The following MON2 variants were observed in gnomAD, a reference collection of about 807,000 sequenced individuals.
The protein encoded by MON2 is protein MON2 homolog.
Under a neutral mutation model 208.6 loss-of-function variants are expected in MON2, and 84 were observed. The ratio of observed to expected loss-of-function variants is 0.40; its 90% CI spans 0.34 to 0.48. The LOEUF (loss-of-function observed/expected upper bound fraction) is 0.48, where lower values mean the gene tolerates loss of function less well. Among genes scored for constraint, MON2 ranks in the 20% least tolerant of loss-of-function variants. The pLI, the probability that MON2 is intolerant of heterozygous loss-of-function variation, is 0.59. For synonymous variants in MON2, 660 were observed against 694.0 expected (o/e 0.95, Z 0.77); for missense variants, 1,611 against 2,015.4 (o/e 0.80, Z 3.84).
At chr12:62,478,799 A>G (rs1040591937) in intron 1 of MON2, among the ~76,000 whole-genome samples, 1 of 152,224 alleles carries the variant, frequency 6.6e-6, no homozygotes, top group African/African-American at 2.4e-5. Context: ...GATGGAGGAC[A>G]TGATTGTAGG....
intron 2 of MON2, among the ~76,000 whole-genome samples, chr12:62,490,376 G>A (rs1227233186): frequency 1.3e-5 from 2 of 151,804 alleles, no homozygotes; most frequent in South Asian, 2.1e-4. Context: ...ATACAAAATG[G>A]TTAAAGTAAA....
chr12:62,533,797 C>T (rs1035900557), intron 12 of MON2, among the ~76,000 whole-genome samples: 1 of 152,158 alleles, frequency 6.6e-6, no homozygotes, highest in African/African-American at 2.4e-5. Flanking sequence ...CACAAGCACA[C>T]GTCTCTGTAC....
At chr12:62,476,623 G>C (rs2135967457) in intron 1 of MON2, among the ~76,000 whole-genome samples, 1 of 152,070 alleles carries the variant, frequency 6.6e-6, no homozygotes, top group African/African-American at 2.4e-5. Flanking sequence ...TTTTAGTAGA[G>C]ACGGGGTTTC....
chr12:62,545,370 A>C (rs1295856767), intron 21 of MON2, among the ~76,000 whole-genome samples: 2 of 151,912 alleles, frequency 1.3e-5, no homozygotes, highest in East Asian at 3.9e-4. Context: ...ATGGGGAGAA[A>C]ATAAGTGGCA....
rs371169990 is a variant in MON2 at position 62,494,007 on chromosome 12, A to G, written c.268A>G (p.Ile90Val). 3.1e-6 allele frequency: 5 copies of G among 1,613,102 alleles called. No homozygotes were observed. The highest frequency in any genetic ancestry group is 4.2e-6 in the Non-Finnish European group (5 of 1,179,394). Residue 90 changes from isoleucine to valine, a missense_variant, in exon 3 of 35, where the codon ATT becomes GTT. Transcript: ENST00000393630. Reference protein sequence around the residue: ...PKITQLCLAAIQRLMSHEVVS... With the variant: ...PKITQLCLAAVQRLMSHEVVS... ...GATCACTCAGCTATGTTTGGCTGCT[A>G]TTCAGAGACTCATGTCACATGAAGT... is the stretch of plus-strand genomic sequence containing the variant.
intron 22 of MON2, among the ~76,000 whole-genome samples, chr12:62,547,554 T>C (rs1422552159): frequency 1.3e-5 from 2 of 152,214 alleles, no homozygotes; most frequent in African/African-American, 4.8e-5. Flanking sequence ...ATTTATTCTG[T>C]GCAGAGTGTA....
At chr12:62,564,079 C>T (rs961906428) in intron 26 of MON2, among the ~76,000 whole-genome samples, 6 of 152,036 alleles carry the variant, frequency 3.9e-5, no homozygotes, top group African/African-American at 1.4e-4. Context: ...TGTCTTTTTA[C>T]TACTTTCTTA....
At chr12:62,547,103 A>G (rs1181805593) in intron 22 of MON2, 31 bp downstream of exon 22, 2 of 1,323,900 alleles carry the variant, frequency 1.5e-6, no homozygotes, top group South Asian at 1.9e-5. Context: ...GAGAAAAAAT[A>G]TGTATGAAAA....
intron 32 of MON2, among the ~76,000 whole-genome samples, chr12:62,581,646 G>C (rs1423277897): frequency 6.6e-6 from 1 of 152,100 alleles, no homozygotes; most frequent in East Asian, 1.9e-4. Context: ...GACCAGCCTG[G>C]CCAACACGGT....
chr12:62,533,734 T>C lies in MON2; in HGVS notation c.1633+1064T>C, dbSNP rs559991734. Reference sequence around the variant, plus strand: ...GAAACGAACACAGGTATACTAGGTATGCTTTTCACCACTTGGATAGGAAAT... The same window carrying C: ...GAAACGAACACAGGTATACTAGGTACGCTTTTCACCACTTGGATAGGAAAT... On this transcript the variant is annotated intron_variant, in intron 12 of 34. Coordinates refer to ENST00000393630, the MANE Select transcript of MON2 (RefSeq NM_015026.3). 2.6e-5 allele frequency among the ~76,000 whole-genome samples: 4 copies of C among 152,304 alleles called. No individual in the cohort carries two copies. In the South Asian group the frequency reaches 8.3e-4, roughly 32 times the overall value.
intron 11 of MON2, among the ~76,000 whole-genome samples, chr12:62,531,274 T>C (rs1473060728): frequency 2.6e-5 from 4 of 152,210 alleles, no homozygotes; most frequent in Admixed American, 6.5e-5. Flanking sequence ...TTTGGTGTTA[T>C]ATCTAACAAA....
chr12:62,525,889 C>T (rs1251330829), intron 10 of MON2, 60 bp from the exon 11 acceptor site: 18 of 1,514,798 alleles, frequency 1.2e-5, no homozygotes, highest in Non-Finnish European at 1.6e-5. Context: ...TTGACTATTA[C>T]TGATTTGTAG....
At chr12:62,556,263 C>A (rs2073961615) in intron 25 of MON2, 71 bp downstream of exon 25, 2 of 1,350,724 alleles carry the variant, frequency 1.5e-6, no homozygotes, top group African/African-American at 2.9e-5. Flanking sequence ...ACAGACGATT[C>A]TTTTAGAGTC....
chr12:62,488,546 C>CA (rs2069929064), intron 2 of MON2, among the ~76,000 whole-genome samples: 1 of 152,004 alleles, frequency 6.6e-6, no homozygotes, highest in African/African-American at 2.4e-5. Context: ...AGGGAAGTGA[C>CA]ACGTTCATAT....
rs2136503536 is a variant in MON2 at position 62,589,056 on chromosome 12, C to T, written c.4990+900C>T. On this transcript the variant is annotated intron_variant, in intron 34 of 34. Transcript: ENST00000393630. ...AAGATTTTTGAGGGGCTTTTCAGAC[C>T]ATGTTTTGTTCTATTTTGAATCCTC... 1.2e-5 allele frequency: 6 copies of T among 503,108 alleles called. No individual in the cohort carries two copies. In the South Asian group the frequency reaches 2.0e-4, roughly 17 times the overall value. 31.2% of individuals were successfully genotyped at this position (503,108 alleles called of 1,614,324 possible).
At chr12:62,574,552 T>A (rs959156302) in intron 30 of MON2, among the ~76,000 whole-genome samples, 2 of 151,906 alleles carry the variant, frequency 1.3e-5, no homozygotes, top group African/African-American at 4.8e-5. Context: ...AATTTTTGTA[T>A]TTTTTTTGTA....
chr12:62,586,292 T>C (rs550307362), intron 33 of MON2, among the ~76,000 whole-genome samples: 1 of 152,328 alleles, frequency 6.6e-6, no homozygotes, highest in South Asian at 2.1e-4. Context: ...CAGTGTTAAA[T>C]CTTTGTGCAC....
intron 8 of MON2, among the ~76,000 whole-genome samples, chr12:62,512,025 C>G (rs1486670471): frequency 3.3e-5 from 5 of 152,120 alleles, no homozygotes; most frequent in Non-Finnish European, 7.4e-5. Flanking sequence ...TCTTGTGAGA[C>G]TTACTATCAT....
At position 62,583,968 on chromosome 12, in the gene MON2, A is replaced by C. The variant is rs578110110; in HGVS notation, c.4700-1326A>C. Among the ~76,000 whole-genome samples the C allele has an allele frequency of 4.7e-5, 7 of 148,588 alleles. No homozygotes were observed. The East Asian group carries it at 9.8e-4, about 21-fold the overall frequency. ...GAGTGAAGACCCTGTCTCAAAAAAA[A>C]AAAAAACAAAAAAAAAAAACAGACA... On this transcript the variant is annotated intron_variant, in intron 32 of 34. Coordinates refer to ENST00000393630, the MANE Select transcript of MON2 (RefSeq NM_015026.3).
Sources: gnomAD v4.1 joint callset for allele counts (sites outside exome capture counted in the v4.1 genomes callset) on GRCh38, gnomAD v4.1.1 for gene constraint, MANE v1.5 for transcripts, NCBI Gene and HGNC (gene_info 2026-07-23, HGNC 2026-07-21) for gene names.